Variants in LINGO2 observed in about 807,000 individuals in gnomAD.
LINGO2 encodes leucine rich repeat and Ig domain containing 2.
In LINGO2, 14 loss-of-function variants were observed where a neutral mutation model predicts 30.6. The observed-to-expected ratio is 0.46, with a 90% CI of 0.30 to 0.72. The LOEUF is 0.72. Ranked by LOEUF, LINGO2 falls within the 30% of genes least tolerant of loss-of-function variation. The probability of loss-of-function intolerance (pLI) is 0.07; values close to 1 mark genes in which losing one functional copy is unlikely to be tolerated. For missense variants in LINGO2, 729 were observed against 751.7 expected (o/e 0.97, Z 0.35); for synonymous variants, 317 against 288.5 (o/e 1.10, Z -1.00).
chr9:28,549,132 T>C (rs921420066), intron 1 of LINGO2, among the ~76,000 whole-genome samples: 1 of 152,150 alleles, frequency 6.6e-6, no homozygotes, highest in Admixed American at 6.5e-5. Context: ...ACAGGTTAAC[T>C]ATTTTCCATC....
chr9:28,744,609 C>CGTGTGTGTGTGT, the LINGO2 span, among the ~76,000 whole-genome samples: 672 of 133,958 alleles, frequency 5.0e-3, 11 homozygotes, highest in African/African-American at 9.2e-3. Context: ...ATATTCCCCT[C>CGTGTGTGTGTGT]GTGTGTGTGT....
At chr9:28,133,473 T>C (rs1827432475) in intron 4 of LINGO2, among the ~76,000 whole-genome samples, 1 of 152,150 alleles carries the variant, frequency 6.6e-6, no homozygotes, top group Admixed American at 6.5e-5. Flanking sequence ...GGACTAGAGA[T>C]ATAAAGTTAA....
chr9:28,447,751 TCAAA>T (rs1824484109), intron 2 of LINGO2, among the ~76,000 whole-genome samples: 1 of 152,198 alleles, frequency 6.6e-6, no homozygotes, highest in Non-Finnish European at 1.5e-5. Context: ...ATATATGTTG[TCAAA>T]CAATGCAAAC....
intron 1 of LINGO2, among the ~76,000 whole-genome samples, chr9:28,483,459 T>A (rs950334830): frequency 6.6e-6 from 1 of 151,816 alleles, no homozygotes; most frequent in Non-Finnish European, 1.5e-5. Context: ...CAGGGTCTAA[T>A]AAAATGAGTT....
chr9:28,019,014 G>A (rs1257175227), intron 4 of LINGO2, among the ~76,000 whole-genome samples: 3 of 152,056 alleles, frequency 2.0e-5, no homozygotes, highest in Admixed American at 2.0e-4. Flanking sequence ...CATCCTAAAT[G>A]AACACAGGAA....
chr9:29,035,825 C>T, the LINGO2 span, among the ~76,000 whole-genome samples: 1 of 151,814 alleles, frequency 6.6e-6, no homozygotes, highest in Admixed American at 6.6e-5. Flanking sequence ...ATCTTAGTTT[C>T]ACTTTATCCC....
At chr9:28,015,572 A>G (rs1822788664) in intron 4 of LINGO2, among the ~76,000 whole-genome samples, 1 of 152,132 alleles carries the variant, frequency 6.6e-6, no homozygotes, top group South Asian at 2.1e-4. Flanking sequence ...ATTACTTGTG[A>G]TATTTTCAAT....
At chr9:28,139,383 T>C (rs1827611500) in intron 4 of LINGO2, among the ~76,000 whole-genome samples, 1 of 152,228 alleles carries the variant, frequency 6.6e-6, no homozygotes, top group Non-Finnish European at 1.5e-5. Context: ...TTAACTCAAA[T>C]TGTGTGGGTA....
chr9:29,156,041 G>A, the LINGO2 span, among the ~76,000 whole-genome samples: 1 of 152,058 alleles, frequency 6.6e-6, no homozygotes, highest in Non-Finnish European at 1.5e-5. Context: ...AAATTATACA[G>A]GGAATACTAA....
chr9:28,038,710 C>G (rs1261315058), intron 4 of LINGO2, among the ~76,000 whole-genome samples: 1 of 148,556 alleles, frequency 6.7e-6, no homozygotes, highest in Non-Finnish European at 1.5e-5. Flanking sequence ...AAAAAAAAAG[C>G]CTTGCTTATA....
chr9:28,461,625 G>A (rs1016537410), intron 2 of LINGO2, among the ~76,000 whole-genome samples: 1 of 152,102 alleles, frequency 6.6e-6, no homozygotes, highest in Non-Finnish European at 1.5e-5. Context: ...TACAGCTGAT[G>A]CATCAGCTGA....
the LINGO2 span, among the ~76,000 whole-genome samples, chr9:28,912,530 C>G: frequency 0.74 from 112,727 of 152,022 alleles, 41,944 homozygotes; most frequent in Non-Finnish European, 0.78. Context: ...AGATATGTGA[C>G]AGTTGCCCAT....
the LINGO2 span, among the ~76,000 whole-genome samples, chr9:29,069,036 T>G: frequency 0.19 from 28,148 of 151,686 alleles, 2,687 homozygotes; most frequent in South Asian, 0.24. Context: ...AGTTGTTGAG[T>G]AGACATTCTA....
At chr9:28,874,529 C>T in the LINGO2 span, among the ~76,000 whole-genome samples, 1 of 151,814 alleles carries the variant, frequency 6.6e-6, no homozygotes, top group Non-Finnish European at 1.5e-5. Flanking sequence ...TTATATATAA[C>T]AAAATCATAT....
intron 4 of LINGO2, among the ~76,000 whole-genome samples, chr9:28,078,676 G>A (rs111849932): frequency 0.21 from 31,098 of 147,582 alleles, 4,303 homozygotes; most frequent in East Asian, 0.27. Flanking sequence ...GAGAAACGCC[G>A]TCTCTATTAA....
At chr9:28,042,765 C>T (rs1322482373) in intron 4 of LINGO2, among the ~76,000 whole-genome samples, 1 of 152,030 alleles carries the variant, frequency 6.6e-6, no homozygotes, top group Non-Finnish European at 1.5e-5. Context: ...TTTATTCTTC[C>T]CCTCTCCCCC....
At chr9:28,557,628 C>G (rs1227939096) in intron 1 of LINGO2, among the ~76,000 whole-genome samples, 2 of 151,586 alleles carry the variant, frequency 1.3e-5, no homozygotes, top group Middle Eastern at 3.2e-3. Flanking sequence ...ACCATTTGAC[C>G]CAGCCATCCC....
At chr9:29,135,140 T>C in the LINGO2 span, among the ~76,000 whole-genome samples, 27 of 152,308 alleles carry the variant, frequency 1.8e-4, no homozygotes, top group South Asian at 5.4e-3. Context: ...TATATGTACA[T>C]AGACATAATT....
chr9:29,153,875 C>G, the LINGO2 span, among the ~76,000 whole-genome samples: 10 of 152,224 alleles, frequency 6.6e-5, no homozygotes, highest in African/African-American at 2.2e-4. Context: ...CTTTAGAAAA[C>G]TGAACAAATG....
Sources: gnomAD v4.1 joint callset for allele counts (sites outside exome capture counted in the v4.1 genomes callset) on GRCh38, gnomAD v4.1.1 for gene constraint, MANE v1.5 for transcripts, NCBI Gene and HGNC (gene_info 2026-07-23, HGNC 2026-07-21) for gene names.